CAMKMT: variants seen among roughly 807,000 people sequenced by gnomAD.
CAMKMT encodes calmodulin-lysine N-methyltransferase, also known as CaM KMT.
CAMKMT carries 53 observed loss-of-function variants against 48.0 expected under a neutral mutation model. That is an observed-to-expected ratio of 1.10 (90% confidence interval 0.89 to 1.39). The LOEUF (loss-of-function observed/expected upper bound fraction) is 1.39. Among genes scored for constraint, CAMKMT ranks in the 40% most tolerant of loss-of-function variants. The pLI is 0.00. For missense variants in CAMKMT, 428 were observed against 402.7 expected (o/e 1.06, Z -0.54); for synonymous variants, 165 against 152.3 (o/e 1.08, Z -0.61).
intron 7 of CAMKMT, among the ~76,000 whole-genome samples, chr2:44,737,298 G>T (rs915322365): frequency 6.6e-6 from 1 of 152,110 alleles, no homozygotes; most frequent in East Asian, 1.9e-4. Context: ...GTATTTTTTT[G>T]TAGAGATGGG....
intron 3 of CAMKMT, among the ~76,000 whole-genome samples, chr2:44,673,386 G>A (rs1281222180): frequency 4.0e-5 from 6 of 148,702 alleles, no homozygotes; most frequent in South Asian, 2.1e-4. Context: ...ATGATTGCAC[G>A]CCACTGCACT....
intron 3 of CAMKMT, among the ~76,000 whole-genome samples, chr2:44,465,310 GA>G (rs1668054192): frequency 6.6e-6 from 1 of 151,968 alleles, no homozygotes. Context: ...AAAAATCAAT[GA>G]AACAGGCTGG....
chr2:44,724,813 C>A (rs952404588), intron 7 of CAMKMT, among the ~76,000 whole-genome samples: 1 of 152,148 alleles, frequency 6.6e-6, no homozygotes, highest in South Asian at 2.1e-4. Context: ...TGGGATTCAA[C>A]AAGAAGCACA....
chr2:44,430,617 C>T (rs371206142), intron 3 of CAMKMT, among the ~76,000 whole-genome samples: 1 of 151,944 alleles, frequency 6.6e-6, no homozygotes, highest in Non-Finnish European at 1.5e-5. Context: ...GGTTACATTG[C>T]TCCTCCCAGG....
At chr2:44,432,342 T>C (rs1684700226) in intron 3 of CAMKMT, among the ~76,000 whole-genome samples, 1 of 152,126 alleles carries the variant, frequency 6.6e-6, no homozygotes, top group Non-Finnish European at 1.5e-5. Context: ...ATCCACAGCT[T>C]TGATTGGAAA....
At chr2:44,438,236 C>T (rs918545818) in intron 3 of CAMKMT, among the ~76,000 whole-genome samples, 14 of 152,316 alleles carry the variant, frequency 9.2e-5, no homozygotes, top group African/African-American at 3.4e-4. Context: ...AACTCTTTCT[C>T]AACTATAATA....
intron 3 of CAMKMT, among the ~76,000 whole-genome samples, chr2:44,440,386 A>G (rs1666574256): frequency 6.6e-6 from 1 of 152,160 alleles, no homozygotes; most frequent in African/African-American, 2.4e-5. Flanking sequence ...TCCCCAGGGC[A>G]CCATGCTAGT....
intron 3 of CAMKMT, among the ~76,000 whole-genome samples, chr2:44,401,484 G>A (rs1682372601): frequency 6.6e-6 from 1 of 152,060 alleles, no homozygotes; most frequent in Non-Finnish European, 1.5e-5. Context: ...TTGAACCCGG[G>A]AGGCGGAGGT....
At chr2:44,509,872 A>G (rs982629431) in intron 3 of CAMKMT, among the ~76,000 whole-genome samples, 6 of 152,238 alleles carry the variant, frequency 3.9e-5, no homozygotes, top group Non-Finnish European at 8.8e-5. Flanking sequence ...GACTTTCACC[A>G]GAAACCAACC....
chr2:44,583,776 A>C (rs1204201479), intron 3 of CAMKMT, among the ~76,000 whole-genome samples: 1 of 152,164 alleles, frequency 6.6e-6, no homozygotes, highest in East Asian at 1.9e-4. Context: ...ATCCTGGGCA[A>C]CAGATCAAGA....
In CAMKMT at chr2:44,750,816, C is replaced by A. The variant is rs189612686; in HGVS notation, c.699-3239C>A. 2.8e-3 allele frequency among the ~76,000 whole-genome samples: 429 copies of A among 152,252 alleles called. 6 individuals carry two copies. The highest frequency in any genetic ancestry group is 4.6e-3 in the East Asian group (24 of 5,180). On this transcript the variant is annotated intron_variant, in intron 8 of 10. Transcript: ENST00000378494. Reference sequence around the variant, plus strand: ...ATCACCTGAGGTCAGGAGTTTGAGACCAACCTGGCCAACATGGTGAAACCC... The same window carrying A: ...ATCACCTGAGGTCAGGAGTTTGAGAACAACCTGGCCAACATGGTGAAACCC...
At chr2:44,374,100 A>T (rs1679441262) in intron 2 of CAMKMT, among the ~76,000 whole-genome samples, 1 of 145,400 alleles carries the variant, frequency 6.9e-6, no homozygotes, top group Non-Finnish European at 1.5e-5. Context: ...CCTGGATGAC[A>T]GAGTAAGACT....
chr2:44,372,668 A>G (rs1179085743), intron 1 of CAMKMT, 48 bp from the exon 2 acceptor site: 3 of 1,551,374 alleles, frequency 1.9e-6, no homozygotes, highest in Admixed American at 4.0e-5. Flanking sequence ...CACTAAACTT[A>G]CTATATGTTT....
intron 3 of CAMKMT, among the ~76,000 whole-genome samples, chr2:44,528,596 C>T (rs1434322008): frequency 2.6e-5 from 4 of 152,070 alleles, no homozygotes; most frequent in Non-Finnish European, 5.9e-5. Flanking sequence ...TATTTAAATT[C>T]CCCCAATAAT....
intron 3 of CAMKMT, among the ~76,000 whole-genome samples, chr2:44,662,929 T>TAA (rs1383337765): frequency 6.6e-6 from 1 of 152,232 alleles, no homozygotes; most frequent in African/African-American, 2.4e-5. Context: ...AAAAGATTCC[T>TAA]ATATGTCATT....
intron 3 of CAMKMT, among the ~76,000 whole-genome samples, chr2:44,696,276 C>A (rs532161550): frequency 3.9e-5 from 6 of 152,150 alleles, no homozygotes; most frequent in Non-Finnish European, 7.4e-5. Flanking sequence ...CAAATATTTA[C>A]ATAGCACTTA....
intron 3 of CAMKMT, among the ~76,000 whole-genome samples, chr2:44,448,613 C>A (rs1350217423): frequency 2.0e-5 from 3 of 152,106 alleles, no homozygotes; most frequent in Non-Finnish European, 4.4e-5. Context: ...CTTACTAATT[C>A]TGTAAAAAAA....
intron 3 of CAMKMT, among the ~76,000 whole-genome samples, chr2:44,402,740 G>GC (rs1553380291): frequency 1.1e-5 from 1 of 94,106 alleles, no homozygotes; most frequent in African/African-American, 4.1e-5. Flanking sequence ...TTGTTTTGCT[G>GC]TTTTTTTTTT....
chr2:44,574,753 T>C (rs55795624), intron 3 of CAMKMT, among the ~76,000 whole-genome samples: 21,042 of 151,966 alleles, frequency 0.14, 1,998 homozygotes, highest in African/African-American at 0.25. Flanking sequence ...AATTAATTAA[T>C]TAATTGAGAT....
Sources: allele counts gnomAD v4.1 joint callset (sites outside exome capture counted in the v4.1 genomes callset), GRCh38; gene constraint gnomAD v4.1.1; transcripts MANE v1.5; gene names NCBI Gene and HGNC (gene_info 2026-07-23, HGNC 2026-07-21).